Variants in SYCP1 observed in about 807,000 individuals in gnomAD.
SYCP1 encodes the protein cancer/testis antigen 8.
A neutral mutation model predicts 153.1 loss-of-function variants in SYCP1; 64 were observed. The observed-to-expected ratio is 0.42, with a 90% confidence interval of 0.34 to 0.51. The LOEUF (loss-of-function observed/expected upper bound fraction) is 0.51, where lower values mean the gene tolerates loss of function less well. Ranked by LOEUF, SYCP1 falls within the 20% of genes least tolerant of loss-of-function variation. The pLI is 0.06. For synonymous variants in SYCP1, 384 were observed against 341.8 expected, an observed-to-expected ratio of 1.12 and a Z score of -1.36; for missense variants, 997 against 1,049.0, an observed-to-expected ratio of 0.95 and a Z score of 0.68.
chr1:114,860,500 G>T (rs1175806074), intron 7 of SYCP1, among the ~76,000 whole-genome samples: 1 of 152,114 alleles, frequency 6.6e-6, no homozygotes, highest in Non-Finnish European at 1.5e-5. Context: ...TATTTTAGTG[G>T]CCAGTTACTA....
intron 24 of SYCP1, 21 bp from the exon 25 acceptor site, chr1:114,944,851 T>C (rs1311849960): frequency 6.6e-7 from 1 of 1,517,092 alleles, no homozygotes; most frequent in Non-Finnish European, 8.9e-7. Context: ...AAGAAACTTT[T>C]TTTTTTTGCT....
At position 114,858,569 on chromosome 1, in the gene SYCP1, T is replaced by C. The variant is rs1204375020; in HGVS notation, c.314T>C (p.Val105Ala). 2.5e-6 allele frequency: 4 copies of C among 1,602,634 alleles called. No individual in the cohort carries two copies. Among genetic ancestry groups the C allele is most frequent in the Non-Finnish European group, 3.4e-6 (4 of 1,174,692 alleles). ...DLENSEGLSR[V>A]YSKLYKEAEK... ...TAGAATTCAGAGGGATTGAGCAGAG[T>C]GTATTCAAAACTGTATAAGGAGGCT... The change falls in exon 6 of 32, where the codon GTG becomes GCG. Residue 105 changes from valine to alanine, a missense_variant. Physicochemically the swap from Val to Ala is moderately conservative, Grantham distance 64 (BLOSUM62 0). Transcript: ENST00000369522.
At chr1:114,991,714 A>C (rs78957862) in intron 30 of SYCP1, among the ~76,000 whole-genome samples, 4,135 of 151,860 alleles carry the variant, frequency 0.027, 182 homozygotes, top group African/African-American at 0.093. Flanking sequence ...ATGGTGAAAG[A>C]CTGAAAGACT....
At chr1:114,981,158 G>A (rs1038068736) in intron 28 of SYCP1, among the ~76,000 whole-genome samples, 178 bp from the exon 29 acceptor site, 31 of 152,104 alleles carry the variant, frequency 2.0e-4, no homozygotes, top group African/African-American at 5.8e-4. Context: ...AAATGGACAA[G>A]TAAAGTGACA....
intron 8 of SYCP1, among the ~76,000 whole-genome samples, chr1:114,863,643 G>A (rs961488911): frequency 1.8e-4 from 27 of 152,146 alleles, no homozygotes; most frequent in African/African-American, 6.3e-4. Context: ...GCGTGAGATG[G>A]TATCTCATTG....
Position 114,944,972 on chromosome 1 carries a change from A to G in SYCP1, c.2144A>G (p.Glu715Gly). The G allele has an allele frequency of 6.3e-7, 1 of 1,579,350 alleles. No individual in the cohort carries two copies. The highest frequency in any genetic ancestry group is 8.6e-7 in the Non-Finnish European group (1 of 1,167,606). Reference sequence around the variant, plus strand: ...ATAGCTGAAATGGTAGCACTTATGGAAAAACATAAGGTAATTTTTTTCTTC... The same window carrying G: ...ATAGCTGAAATGGTAGCACTTATGGGAAAACATAAGGTAATTTTTTTCTTC... ...HKIAEMVALM[E>G]KHKHQYDKII... Residue 715 changes from glutamate to glycine, a missense_variant, in exon 25 of 32, where the codon GAA becomes GGA. Transcript: ENST00000369522.
intron 20 of SYCP1, among the ~76,000 whole-genome samples, chr1:114,919,690 CT>C (rs1668736939): frequency 6.6e-6 from 1 of 152,026 alleles, no homozygotes; most frequent in African/African-American, 2.4e-5. Context: ...TGTTTTTCGT[CT>C]GTTCAGGTTT....
chr1:114,941,069 C>A (rs1014767966), intron 23 of SYCP1, among the ~76,000 whole-genome samples: 3 of 152,012 alleles, frequency 2.0e-5, no homozygotes, highest in Non-Finnish European at 4.4e-5. Flanking sequence ...CAGAACCCCC[C>A]AGGAATACCA....
chr1:114,950,314 G>A (rs558821178), intron 27 of SYCP1, among the ~76,000 whole-genome samples: 1 of 152,292 alleles, frequency 6.6e-6, no homozygotes, highest in South Asian at 2.1e-4. Context: ...ATGTGGTTGA[G>A]AAATAAACTT....
chr1:114,875,032 T>C (rs377370366), intron 9 of SYCP1, among the ~76,000 whole-genome samples: 3 of 152,276 alleles, frequency 2.0e-5, no homozygotes, highest in South Asian at 4.1e-4. Flanking sequence ...TAAGATCTTA[T>C]GCACATTTCT....
chr1:114,873,003 G>C (rs987335774), intron 8 of SYCP1, among the ~76,000 whole-genome samples: 6 of 152,072 alleles, frequency 3.9e-5, no homozygotes, highest in Non-Finnish European at 7.4e-5. Flanking sequence ...TTTTTGTTTT[G>C]AGTCATTCTT....
intron 22 of SYCP1, 31 bp from the exon 23 acceptor site, chr1:114,926,470 T>C (rs779868587): frequency 2.0e-6 from 3 of 1,521,460 alleles, no homozygotes; most frequent in Admixed American, 2.0e-5. Flanking sequence ...ATAACTTTAG[T>C]ACTAAATATA....
At chr1:114,877,179 A>C (rs17544607) in intron 11 of SYCP1, among the ~76,000 whole-genome samples, 9,263 of 152,240 alleles carry the variant, frequency 0.061, 321 homozygotes, top group Middle Eastern at 0.15. Context: ...GAAATGTGCT[A>C]TTCATAATAT....
intron 30 of SYCP1, among the ~76,000 whole-genome samples, chr1:114,985,141 G>C (rs1425050825): frequency 6.6e-6 from 1 of 151,644 alleles, no homozygotes; most frequent in Non-Finnish European, 1.5e-5. Flanking sequence ...TCATTGTCTT[G>C]TTTTCTAGAA....
chr1:114,990,887 C>T (rs1341751155), intron 30 of SYCP1, among the ~76,000 whole-genome samples: 4 of 151,882 alleles, frequency 2.6e-5, no homozygotes, highest in Non-Finnish European at 5.9e-5. Flanking sequence ...AGAATTAACA[C>T]TAGAGCTTCT....
chr1:114,947,811 C>CCAAAAAA (rs1413794208), intron 27 of SYCP1, among the ~76,000 whole-genome samples: 2 of 43,876 alleles, frequency 4.6e-5, no homozygotes, highest in African/African-American at 9.6e-5. Context: ...GACTCCGTCT[C>CCAAAAAA]AAAAAAAAAA....
chr1:114,930,092 C>T (rs1669526456), intron 23 of SYCP1, among the ~76,000 whole-genome samples: 1 of 151,904 alleles, frequency 6.6e-6, no homozygotes. Flanking sequence ...ATAAATAATT[C>T]ATGGGCCAAA....
intron 24 of SYCP1, 114 bp downstream of exon 24, chr1:114,944,569 G>T: frequency 7.2e-6 from 5 of 692,636 alleles, no homozygotes; most frequent in Non-Finnish European, 1.2e-5. Flanking sequence ...TTTAGAAAAG[G>T]GTTAGTAAAT....
chr1:114,857,159 A>AAAATT, intron 3 of SYCP1, 73 bp from the exon 4 acceptor site: 1 of 693,204 alleles, frequency 1.4e-6, no homozygotes, highest in Non-Finnish European at 2.2e-6. Context: ...AAAAAAAAAG[A>AAAATT]GAAAAAAGAA....
Sources: gnomAD v4.1 joint callset for allele counts (sites outside exome capture counted in the v4.1 genomes callset) on GRCh38, gnomAD v4.1.1 for gene constraint, MANE v1.5 for transcripts, NCBI Gene and HGNC (gene_info 2026-07-23, HGNC 2026-07-21) for gene names.